The following PDIA6 variants were observed in gnomAD, a reference collection of about 807,000 sequenced individuals.
The protein encoded by PDIA6 is protein disulfide-isomerase A6.
Under a neutral mutation model 58.4 loss-of-function variants are expected in PDIA6, and 29 were observed. The observed-to-expected ratio is 0.50, with a 90% CI of 0.37 to 0.68. The LOEUF is 0.68. PDIA6 is among the 30% of genes least tolerant of loss of function. PDIA6 has a pLI of 0.00. For synonymous variants in PDIA6, 192 were observed against 202.6 expected (o/e 0.95, Z 0.44); for missense variants, 480 against 551.0 (o/e 0.87, Z 1.29).
Position 10,796,946 on chromosome 2 carries a change from C to A in PDIA6, c.346+135G>T, listed in dbSNP as rs1666292069. The A allele has an allele frequency of 6.8e-6, 5 of 739,072 alleles. No individual in the cohort carries two copies. The East Asian group carries it at 1.3e-4, about 19-fold the overall frequency. The allele number at this position is 739,072 out of a possible 1,614,324, so 45.8% of individuals were successfully genotyped here. A position where few individuals can be genotyped will look rare whatever the true frequency, so the allele number is the denominator to read the frequency against. On this transcript the variant is annotated intron_variant, in intron 4 of 12. Transcript: ENST00000272227. ...AGAATGACTCGGAGGGTATAGGAAT[C>A]ACTGTGTACCATTTATAGATAATTC...
rs1665596293 is a variant in PDIA6 at position 10,784,393 on chromosome 2, T to TCTCAGGAAGAGGAACA, written c.1255-68_1255-67insTGTTCCTCTTCCTGAG. On this transcript the variant is annotated intron_variant, in intron 12 of 12. Transcript: ENST00000272227. ...GACACCCTGGAAGGTCAACATCTCA[T>TCTCAGGAAGAGGAACA]TTTATGGAAGAGCGACTCTCTGGAG... 3 of 1,317,806 alleles carry TCTCAGGAAGAGGAACA rather than the reference T, an allele frequency of 2.3e-6. No individual in the cohort carries two copies. The Admixed American group carries it at 5.8e-5, about 25-fold the overall frequency. The allele number at this position is 1,317,806 out of a possible 1,614,324, so 81.6% of individuals were successfully genotyped here.
intron 1 of PDIA6, chr2:10,823,448 A>C (rs1199270867): frequency 1.3e-5 from 2 of 152,244 alleles, no homozygotes; most frequent in Non-Finnish European, 2.9e-5. Context: ...ATCTCTATTC[A>C]GTGCCTAGGT....
Position 10,797,732 on chromosome 2 carries a change from G to A in PDIA6, c.187C>T (p.Pro63Ser). ...GCAGTTGCTGCTTTCTTCCATTCTG[G>A]TGTTAATCTTTGACAGTGACCACAC... ...PWCGHCQRLTPEWKKAATALK... is the reference protein window; with the variant it reads ...PWCGHCQRLTSEWKKAATALK... The change falls in exon 3 of 13, where the codon CCA (proline) becomes TCA (serine). Residue 63 changes from proline to serine, a missense_variant. Transcript: ENST00000272227. 6.2e-7 allele frequency: 1 copy of A among 1,612,924 alleles called. No homozygotes were observed. The highest frequency in any genetic ancestry group is 1.7e-4 in the Middle Eastern group (1 of 6,040).
chr2:10,790,721 C>A lies in PDIA6; in HGVS notation c.697G>T (p.Gly233Trp). ...ATGAGCCTTATAAGTATACTCACCCCGTATCGGGAGGCCAGAACCTGATTG... is the reference window on the plus strand; with the variant it reads ...ATGAGCCTTATAAGTATACTCACCCAGTATCGGGAGGCCAGAACCTGATTG... ...TVNQVLASRY[G>W]IRGFPTIKIF... Residue 233 changes from glycine to tryptophan, a missense_variant and splice_region_variant, in exon 7 of 13, where the codon GGG becomes TGG. Physicochemically the swap from Gly to Trp is radical, Grantham distance 184. Coordinates refer to ENST00000272227, the MANE Select transcript of PDIA6 (RefSeq NM_005742.4). The A allele has an allele frequency of 3.1e-6, 5 of 1,604,894 alleles. No individual in the cohort carries two copies. The highest frequency in any genetic ancestry group is 1.1e-5 in the South Asian group (1 of 90,888).
intron 1 of PDIA6, among the ~76,000 whole-genome samples, chr2:10,806,040 AAAAACG>A (rs1224150355): frequency 2.2e-5 from 3 of 134,394 alleles, no homozygotes; most frequent in Non-Finnish European, 1.7e-5. Flanking sequence ...AAAAAAAAAA[AAAAACG>A]AAAAAAACCT....
At chr2:10,789,003 G>A in intron 8 of PDIA6, 22 bp from the exon 9 acceptor site, 1 of 1,582,772 alleles carries the variant, frequency 6.3e-7, no homozygotes, top group Non-Finnish European at 8.7e-7. Flanking sequence ...AAAAGACAAG[G>A]GACAATCAGG....
chr2:10,802,671 C>T (rs1261111446), intron 1 of PDIA6, 31 bp from the exon 2 acceptor site: 1 of 1,379,758 alleles, frequency 7.2e-7, no homozygotes, highest in Non-Finnish European at 9.4e-7. Flanking sequence ...GCACCATTAA[C>T]AGCACTGTTC....
chr2:10,798,103 G>A (rs980117186), intron 2 of PDIA6, among the ~76,000 whole-genome samples: 2 of 151,758 alleles, frequency 1.3e-5, no homozygotes, highest in African/African-American at 4.8e-5. Flanking sequence ...CAAGAATCAC[G>A]TGAACCCAGG....
At chr2:10,813,383 G>T (rs534852640), upstream of PDIA6, among the ~76,000 whole-genome samples, 3 of 152,340 alleles carry the variant, frequency 2.0e-5, no homozygotes, top group South Asian at 6.2e-4. Context: ...GGACTTAAGC[G>T]GTAGCCTCCT....
intron 1 of PDIA6, among the ~76,000 whole-genome samples, chr2:10,828,945 T>A (rs1247572763): frequency 1.3e-5 from 2 of 152,192 alleles, no homozygotes; most frequent in Non-Finnish European, 2.9e-5. Flanking sequence ...CAGATGCTGG[T>A]GTGGTCTGGG....
chr2:10,837,604 A>G (rs764839766), exon 1 of PDIA6: 7 of 998,170 alleles, frequency 7.0e-6, no homozygotes, highest in Non-Finnish European at 1.1e-5. Flanking sequence ...GATTATCCTC[A>G]TTTTGCAGTC....
intron 1 of PDIA6, chr2:10,810,137 T>C (rs1666941561): frequency 1.5e-6 from 1 of 679,782 alleles, no homozygotes; most frequent in Non-Finnish European, 2.6e-6. Flanking sequence ...GGCATTTTTC[T>C]AAACATTTTG....
chr2:10,831,798 C>T (rs1667717396), intron 1 of PDIA6, among the ~76,000 whole-genome samples: 3 of 152,084 alleles, frequency 2.0e-5, no homozygotes, highest in Admixed American at 2.0e-4. Context: ...TAGTCATCCT[C>T]CTCCTCCCAG....
At chr2:10,832,516 C>A (rs1442190975), upstream of PDIA6, 6 of 802,044 alleles carry the variant, frequency 7.5e-6, no homozygotes, top group Non-Finnish European at 9.1e-6. Context: ...CGCAAGGGGG[C>A]GCTCTGCCCT....
intron 1 of PDIA6, among the ~76,000 whole-genome samples, chr2:10,830,291 G>A (rs920606286): frequency 4.6e-5 from 7 of 152,254 alleles, no homozygotes; most frequent in African/African-American, 9.6e-5. Context: ...GAACGCATCC[G>A]TGAATAATAT....
intron 12 of PDIA6, 142 bp from the exon 13 acceptor site, chr2:10,784,468 C>A: frequency 1.7e-6 from 1 of 600,078 alleles, no homozygotes; most frequent in South Asian, 2.2e-5. Context: ...CTACCCTGAC[C>A]TTCGTACCTA....
chr2:10,816,522 C>CTTTTTTTTTTTTTTTTT (rs772701227), upstream of PDIA6, among the ~76,000 whole-genome samples: 3 of 138,242 alleles, frequency 2.2e-5, no homozygotes, highest in African/African-American at 8.3e-5. Context: ...CCTTTTTGTG[C>CTTTTTTTTTTTTTTTTT]TTTCTTTTTT....
chr2:10,812,358 C>CCCCTCCCCGGGAATACTGACT, intron 1 of PDIA6, among the ~76,000 whole-genome samples: 2 of 152,076 alleles, frequency 1.3e-5, no homozygotes, highest in Non-Finnish European at 2.9e-5. Flanking sequence ...GAATACAGAC[C>CCCCTCCCCGGGAATACTGACT]CCCTCCCCGG....
upstream of PDIA6, among the ~76,000 whole-genome samples, chr2:10,834,524 C>A (rs372605463): frequency 1.8e-4 from 28 of 152,212 alleles, no homozygotes; most frequent in East Asian, 2.9e-3. Context: ...GAGCGCCTGG[C>A]AGGACTGACA....
Sources: allele counts gnomAD v4.1 joint callset (sites outside exome capture counted in the v4.1 genomes callset), GRCh38; gene constraint gnomAD v4.1.1; transcripts MANE v1.5; gene names NCBI Gene and HGNC (gene_info 2026-07-23, HGNC 2026-07-21).